PLCXD2: variants seen among roughly 807,000 people sequenced by gnomAD.
PLCXD2 encodes PI-PLC X domain-containing protein 2.
PLCXD2 carries 21 observed loss-of-function variants against 28.6 expected under a neutral mutation model. That is an observed-to-expected ratio of 0.73 (90% CI 0.52 to 1.06). The LOEUF (loss-of-function observed/expected upper bound fraction) is 1.06, where lower values mean the gene tolerates loss of function less well. Ranked by LOEUF, PLCXD2 falls within the 50% of genes least tolerant of loss-of-function variation. The pLI is 0.00. For synonymous variants in PLCXD2, 140 were observed against 150.1 expected, an observed-to-expected ratio of 0.93 and a Z score of 0.49; for missense variants, 369 against 376.7, an observed-to-expected ratio of 0.98 and a Z score of 0.17.
chr3:111,685,669 G>A (rs1364022586), intron 1 of PLCXD2, among the ~76,000 whole-genome samples: 1 of 152,174 alleles, frequency 6.6e-6, no homozygotes, highest in Non-Finnish European at 1.5e-5. Context: ...GGTTATCTCA[G>A]AGCTGAGAAG....
chr3:111,675,694 T>G (rs182851792), intron 1 of PLCXD2, among the ~76,000 whole-genome samples: 4 of 152,354 alleles, frequency 2.6e-5, no homozygotes, highest in East Asian at 1.9e-4. Context: ...TTATCCTTCT[T>G]ACTGTTGTTA....
intron 1 of PLCXD2, among the ~76,000 whole-genome samples, chr3:111,683,583 T>C (rs2107840827): frequency 6.6e-6 from 1 of 152,298 alleles, no homozygotes; most frequent in Non-Finnish European, 1.5e-5. Flanking sequence ...ATTCAACACT[T>C]GTATAATTTT....
At chr3:111,675,506 T>C in intron 1 of PLCXD2, 98 bp downstream of exon 1, 1 of 1,415,402 alleles carries the variant, frequency 7.1e-7, no homozygotes, top group Admixed American at 1.8e-5. Context: ...GAGAAATTAA[T>C]TGTCAGTGAC....
chr3:111,697,127 A>C (rs1328697548), intron 1 of PLCXD2, among the ~76,000 whole-genome samples: 1 of 152,146 alleles, frequency 6.6e-6, no homozygotes, highest in Non-Finnish European at 1.5e-5. Flanking sequence ...ATTTGCTATA[A>C]CTTATAAGAT....
At chr3:111,720,076 A>G (rs1251075072) in intron 3 of PLCXD2, among the ~76,000 whole-genome samples, 1 of 152,230 alleles carries the variant, frequency 6.6e-6, no homozygotes, top group East Asian at 1.9e-4. Context: ...AGTATAGTTA[A>G]TGGTGGGATC....
intron 1 of PLCXD2, among the ~76,000 whole-genome samples, chr3:111,703,588 C>T (rs894418296): frequency 6.6e-6 from 1 of 152,170 alleles, no homozygotes; most frequent in African/African-American, 2.4e-5. Flanking sequence ...CAGTATGTGC[C>T]TTGCACTATA....
Position 111,713,964 on chromosome 3 carries a change from G to A in PLCXD2, c.702G>A (p.Trp234Ter), listed in dbSNP as rs377682880. ...CAGGAAAGAAGATTCCAGCGCCCTG[G>A]GCAAACACCACAAGTGTGCGCAAAC... Residue 234 changes from tryptophan (W) to a stop codon, truncating the protein, a stop_gained, in exon 3 of 5, where the codon TGG becomes TGA. Transcript: ENST00000477665. LOFTEE classifies it high-confidence loss of function. 5 of 1,613,930 alleles carry A rather than the reference G, an allele frequency of 3.1e-6. No homozygotes were observed. The African/African-American group carries it at 6.7e-5, about 22-fold the overall frequency.
At chr3:111,711,048 A>C (rs1941193191) in intron 2 of PLCXD2, among the ~76,000 whole-genome samples, 1 of 152,228 alleles carries the variant, frequency 6.6e-6, no homozygotes, top group African/African-American at 2.4e-5. Flanking sequence ...GAGCATCATC[A>C]GTTTAAATCC....
intron 1 of PLCXD2, among the ~76,000 whole-genome samples, chr3:111,705,693 T>C (rs1941108460): frequency 6.6e-6 from 1 of 152,094 alleles, no homozygotes; most frequent in Non-Finnish European, 1.5e-5. Context: ...TTTTTATAAT[T>C]GCTGTTGTAA....
At chr3:111,722,802 A>G (rs1941364365) in intron 3 of PLCXD2, 1 of 152,148 alleles carries the variant, frequency 6.6e-6, no homozygotes, top group Non-Finnish European at 1.5e-5. Context: ...CACACCCCCA[A>G]CTCTTGGTCT....
chr3:111,714,585 A>G (rs936679415), intron 3 of PLCXD2, among the ~76,000 whole-genome samples: 8 of 152,198 alleles, frequency 5.3e-5, no homozygotes, highest in African/African-American at 1.7e-4. Flanking sequence ...GCAGCTTAGG[A>G]TGCCACCCAC....
chr3:111,718,897 T>A (rs1171485070), intron 3 of PLCXD2, among the ~76,000 whole-genome samples: 2 of 152,222 alleles, frequency 1.3e-5, no homozygotes, highest in Admixed American at 1.3e-4. Flanking sequence ...CACATTGAAT[T>A]TTCATTATTC....
chr3:111,690,765 C>A (rs1313227059), intron 1 of PLCXD2, among the ~76,000 whole-genome samples: 1 of 152,178 alleles, frequency 6.6e-6, no homozygotes, highest in African/African-American at 2.4e-5. Context: ...TCTTCTTATC[C>A]TGGAGGGGAA....
At chr3:111,689,217 A>T (rs1366571489) in intron 1 of PLCXD2, among the ~76,000 whole-genome samples, 7 of 152,210 alleles carry the variant, frequency 4.6e-5, no homozygotes, top group African/African-American at 1.7e-4. Context: ...AGGGAAGGAC[A>T]TTCCAGAGAC....
At chr3:111,722,126 G>T (rs749694097) in intron 3 of PLCXD2, 12 of 151,826 alleles carry the variant, frequency 7.9e-5, no homozygotes, top group Non-Finnish European at 1.6e-4. Flanking sequence ...ACTCGAGAGG[G>T]AATTTTTTTT....
At chr3:111,681,745 T>C (rs1187216431) in intron 1 of PLCXD2, among the ~76,000 whole-genome samples, 2 of 152,192 alleles carry the variant, frequency 1.3e-5, no homozygotes, top group Non-Finnish European at 2.9e-5. Context: ...GCGTGCTGCT[T>C]GCACCTGCAA....
rs1173875551 is a variant in PLCXD2, at chr3:111,718,537, ATT to A, written c.866+4410_866+4411del. 4.5e-3 allele frequency among the ~76,000 whole-genome samples: 662 copies of A among 148,616 alleles called. 3 individuals carry two copies. The highest frequency in any genetic ancestry group is 0.016 in the South Asian group (75 of 4,706). On this transcript the variant is annotated intron_variant, in intron 3 of 4. Coordinates refer to ENST00000477665, the MANE Select transcript of PLCXD2 (RefSeq NM_001185106.1). ...GATAGATAGATAGATAGATAGATTG[ATT>A]GATTTATGATATGTGTTTTAGCCCG... is the stretch of plus-strand genomic sequence containing the variant.
chr3:111,686,614 G>A (rs903351099), intron 1 of PLCXD2, among the ~76,000 whole-genome samples: 5 of 152,118 alleles, frequency 3.3e-5, no homozygotes, highest in African/African-American at 9.7e-5. Context: ...GACTAATTTT[G>A]TATACCCTAA....
chr3:111,725,811 A>C (rs1281874774), intron 3 of PLCXD2: 2 of 398,438 alleles, frequency 5.0e-6, no homozygotes, highest in East Asian at 3.6e-5. Context: ...GCCCATCAAC[A>C]GTCTAGAGGC....
Sources: gnomAD v4.1 joint callset for allele counts (sites outside exome capture counted in the v4.1 genomes callset) on GRCh38, gnomAD v4.1.1 for gene constraint, MANE v1.5 for transcripts, NCBI Gene and HGNC (gene_info 2026-07-23, HGNC 2026-07-21) for gene names.